Variants in SLC13A1 observed in about 807,000 individuals in gnomAD.
SLC13A1 encodes the protein Na(+)/sulfate cotransporter.
A neutral mutation model predicts 70.0 loss-of-function variants in SLC13A1; 65 were observed. That is an observed-to-expected ratio of 0.93 (90% confidence interval 0.76 to 1.14). The LOEUF (loss-of-function observed/expected upper bound fraction) is 1.14. SLC13A1 is among the 50% of genes most tolerant of loss of function. The pLI, the probability that SLC13A1 is intolerant of heterozygous loss-of-function variation, is 0.00. For synonymous variants in SLC13A1, 275 were observed against 250.5 expected (o/e 1.10, Z -0.92); for missense variants, 726 against 717.8 (o/e 1.01, Z -0.13).
At chr7:123,182,422 C>G (rs1255986188) in intron 1 of SLC13A1, among the ~76,000 whole-genome samples, 1 of 152,120 alleles carries the variant, frequency 6.6e-6, no homozygotes, top group Non-Finnish European at 1.5e-5. Flanking sequence ...TAGCCACTAT[C>G]TTGATCCTAT....
At chr7:123,155,161 T>C (rs1194518257) in intron 6 of SLC13A1, among the ~76,000 whole-genome samples, 1 of 151,894 alleles carries the variant, frequency 6.6e-6, no homozygotes, top group East Asian at 1.9e-4. Context: ...ATTTAGTGAG[T>C]CCTTTAATCA....
At position 123,199,848 on chromosome 7, in the gene SLC13A1, C is replaced by T. The variant is rs752320899; in HGVS notation, c.99G>A (p.Lys33=). 3.7e-6 allele frequency: 6 copies of T among 1,607,260 alleles called. No homozygotes were observed. The highest frequency in any genetic ancestry group is 1.3e-5 in the African/African-American group (1 of 74,686). ...CAGTCTGTTCTCCAGGTTCACTCAC[C>T]TTGGTGTGGAGGACGATGGGCAGAG... The part of the protein sequence containing the change: ...LLPLPIVLHT[K]EAECAYTLFV... Residue 33 remains lysine (K), a splice_region_variant and synonymous_variant, in exon 1 of 15, where the codon AAG becomes AAA. Coordinates refer to ENST00000194130, the MANE Select transcript of SLC13A1 (RefSeq NM_022444.4).
intron 2 of SLC13A1, among the ~76,000 whole-genome samples, chr7:123,174,133 A>C (rs1243089596): frequency 6.6e-6 from 1 of 152,060 alleles, no homozygotes; most frequent in Non-Finnish European, 1.5e-5. Context: ...CAATGACTGA[A>C]TTTGAAAGAT....
intron 6 of SLC13A1, among the ~76,000 whole-genome samples, chr7:123,159,760 G>T (rs1794823693): frequency 6.6e-6 from 1 of 152,080 alleles, no homozygotes; most frequent in South Asian, 2.1e-4. Flanking sequence ...TAAAAAGCTG[G>T]CAGTAGAAAT....
In SLC13A1 at chr7:123,128,738, A is replaced by G. The variant is rs1793651320; in HGVS notation, c.1133+107T>C. On this transcript the variant is annotated intron_variant, in intron 10 of 14. Transcript: ENST00000194130. ...GAACTTAAAATATCTTTTCAAGGGA[A>G]AGAAAGAAAAATATCTCATCCAATC... 1.8e-5 allele frequency: 13 copies of G among 716,778 alleles called. No homozygotes were observed. The South Asian group carries it at 2.4e-4, about 13-fold the overall frequency. The allele number at this position is 716,778 out of a possible 1,614,324, so 44.4% of individuals were successfully genotyped here. A position where few individuals can be genotyped will look rare whatever the true frequency, so the allele number is the denominator to read the frequency against.
At position 123,134,502 on chromosome 7, in the gene SLC13A1, G is replaced by A. The variant is rs924306027; in HGVS notation, c.840C>T (p.Asn280=). Residue 280 remains asparagine, a synonymous_variant, in exon 8 of 15, where the codon AAC becomes AAT. Transcript: ENST00000194130. ...AGGAAAACGTAAACCATGATCCAAAGTTGAGGCAACGACAGTCAGGATAGC... is the reference window on the plus strand; with the variant it reads ...AGGAAAACGTAAACCATGATCCAAAATTGAGGCAACGACAGTCAGGATAGC... ...NTRYPDCRCL[N]FGSWFTFSFP... 3 of 1,613,462 alleles carry A rather than the reference G, an allele frequency of 1.9e-6. No individual in the cohort carries two copies. The highest frequency in any genetic ancestry group is 2.5e-6 in the Non-Finnish European group (3 of 1,179,572).
chr7:123,186,986 A>G (rs1795822257), intron 1 of SLC13A1, among the ~76,000 whole-genome samples: 1 of 152,064 alleles, frequency 6.6e-6, no homozygotes, highest in Admixed American at 6.6e-5. Flanking sequence ...GGGGAAAAAA[A>G]AAAGTCCAGA....
intron 2 of SLC13A1, among the ~76,000 whole-genome samples, chr7:123,176,220 T>C (rs1383697136): frequency 1.3e-5 from 2 of 152,208 alleles, no homozygotes; most frequent in African/African-American, 2.4e-5. Flanking sequence ...CTGTTTTCAT[T>C]GTAGTACCTA....
At chr7:123,125,785 T>C (rs1476719546) in intron 10 of SLC13A1, 110 bp from the exon 11 acceptor site, 3 of 736,770 alleles carry the variant, frequency 4.1e-6, no homozygotes, top group Admixed American at 4.9e-5. Context: ...CAGTAGTAGG[T>C]GGTGTAGGTT....
Position 123,115,448 on chromosome 7 carries a change from G to T in SLC13A1, c.*70C>A. The T allele has an allele frequency of 6.7e-7, 1 of 1,491,694 alleles. No homozygotes were observed. Among genetic ancestry groups the T allele is most frequent in the Non-Finnish European group, 9.2e-7 (1 of 1,083,518 alleles). The allele number at this position is 1,491,694 out of a possible 1,614,324, so 92.4% of individuals were successfully genotyped here. ...AAATGTGTGTCATTAGTTATTTAGA[G>T]CCACATTTTACAGTCAATCATTAAT... On this transcript the variant is annotated 3_prime_UTR_variant, in exon 15 of 15. Transcript: ENST00000194130.
At chr7:123,167,383 G>T (rs1349563832) in intron 6 of SLC13A1, among the ~76,000 whole-genome samples, 8 of 151,954 alleles carry the variant, frequency 5.3e-5, no homozygotes. Context: ...GTAGCTAATG[G>T]CTTAAAACTT....
chr7:123,180,144 A>G (rs572695716), intron 2 of SLC13A1, among the ~76,000 whole-genome samples: 3 of 152,260 alleles, frequency 2.0e-5, no homozygotes, highest in Non-Finnish European at 2.9e-5. Flanking sequence ...AAAAAGTGCA[A>G]AAAGATCGAC....
At chr7:123,166,385 G>A (rs902265706) in intron 6 of SLC13A1, among the ~76,000 whole-genome samples, 1 of 104,508 alleles carries the variant, frequency 9.6e-6, no homozygotes. Flanking sequence ...AGCTTTTAAA[G>A]CCCATTTCTT....
chr7:123,146,546 C>A (rs1794356667), intron 7 of SLC13A1, among the ~76,000 whole-genome samples: 1 of 152,110 alleles, frequency 6.6e-6, no homozygotes, highest in Non-Finnish European at 1.5e-5. Context: ...AAATAATTCA[C>A]AATGTAAGTA....
rs758960540 is a variant in SLC13A1 at position 123,147,309 on chromosome 7, T to C, written c.662A>G (p.Asn221Ser). The change falls in exon 7 of 15, where the codon AAC becomes AGC. Residue 221 changes from asparagine to serine, a missense_variant and splice_region_variant. Physicochemically the swap from Asn to Ser is conservative, Grantham distance 46 (BLOSUM62 1). Coordinates refer to ENST00000194130, the MANE Select transcript of SLC13A1 (RefSeq NM_022444.4). ...KISSKVELEKNSGMRTKYRTK... is the reference protein window; with the variant it reads ...KISSKVELEKSSGMRTKYRTK... ...TCGATATTTGGTTCTCATGCCTGAGTTCTGTTCAACAACAACAAAAAACTA... is the reference window on the plus strand; with the variant it reads ...TCGATATTTGGTTCTCATGCCTGAGCTCTGTTCAACAACAACAAAAAACTA... 1 of 1,613,086 alleles carries C rather than the reference T, an allele frequency of 6.2e-7. No individual in the cohort carries two copies. Among genetic ancestry groups the C allele is most frequent in the Non-Finnish European group, 8.5e-7 (1 of 1,179,566 alleles).
chr7:123,147,621 C>T (rs369298295), intron 6 of SLC13A1, among the ~76,000 whole-genome samples: 10 of 152,006 alleles, frequency 6.6e-5, no homozygotes, highest in Admixed American at 3.9e-4. Flanking sequence ...GAGCCCTCAC[C>T]AGACACTGAC....
intron 7 of SLC13A1, among the ~76,000 whole-genome samples, chr7:123,144,526 A>AT (rs1389973373): frequency 6.6e-6 from 1 of 152,184 alleles, no homozygotes; most frequent in East Asian, 1.9e-4. Flanking sequence ...GTCAAACTGG[A>AT]TTTTTAACCC....
At chr7:123,116,683 G>A (rs183769042) in intron 14 of SLC13A1, among the ~76,000 whole-genome samples, 32 of 152,236 alleles carry the variant, frequency 2.1e-4, no homozygotes, top group African/African-American at 6.7e-4. Flanking sequence ...TTATTTTTGT[G>A]TAGAGGCAGT....
At chr7:123,159,635 A>G (rs545921712) in intron 6 of SLC13A1, among the ~76,000 whole-genome samples, 1 of 152,314 alleles carries the variant, frequency 6.6e-6, no homozygotes, top group Non-Finnish European at 1.5e-5. Flanking sequence ...GACAATTAAA[A>G]TAGACACAAA....
Sources: gnomAD v4.1 joint callset for allele counts (sites outside exome capture counted in the v4.1 genomes callset) on GRCh38, gnomAD v4.1.1 for gene constraint, MANE v1.5 for transcripts, NCBI Gene and HGNC (gene_info 2026-07-23, HGNC 2026-07-21) for gene names.